Variants in UTS2 observed in about 807,000 individuals in gnomAD.
UTS2 encodes urotensin 2, also known as urotensin-2.
In UTS2, 10 loss-of-function variants were observed where a neutral mutation model predicts 12.6. That is an observed-to-expected ratio of 0.80 (90% CI 0.49 to 1.35). The LOEUF (loss-of-function observed/expected upper bound fraction) is 1.35. Ranked by LOEUF, UTS2 falls within the 40% of genes most tolerant of loss-of-function variation. The pLI, the probability that UTS2 is intolerant of heterozygous loss-of-function variation, is 0.00. For missense variants in UTS2, 142 were observed against 143.2 expected, an observed-to-expected ratio of 0.99 and a Z score of 0.04; for synonymous variants, 52 against 50.0, an observed-to-expected ratio of 1.04 and a Z score of -0.17.
chr1:7,904,320 A>T, the UTS2 span, among the ~76,000 whole-genome samples: 1 of 143,674 alleles, frequency 7.0e-6, no homozygotes, highest in African/African-American at 2.9e-5. Flanking sequence ...AAAAAAAAAA[A>T]AAAATAATAA....
At chr1:7,865,637 G>C in the UTS2 span, among the ~76,000 whole-genome samples, 3 of 152,146 alleles carry the variant, frequency 2.0e-5, no homozygotes, top group Non-Finnish European at 4.4e-5. Flanking sequence ...ACCTCTTACA[G>C]ACCCTATCTC....
chr1:7,874,780 G>A, the UTS2 span, among the ~76,000 whole-genome samples: 17 of 152,320 alleles, frequency 1.1e-4, no homozygotes, highest in Non-Finnish European at 2.5e-4. Flanking sequence ...GGAGGGACCT[G>A]GTGGGAGGTC....
chr1:7,861,981 C>T, the UTS2 span, among the ~76,000 whole-genome samples: 2 of 151,272 alleles, frequency 1.3e-5, no homozygotes, highest in Non-Finnish European at 2.9e-5. Context: ...GGCACAATCT[C>T]GGCTCACTGC....
the UTS2 span, among the ~76,000 whole-genome samples, chr1:7,909,546 CAAAA>C: frequency 3.0e-4 from 31 of 104,208 alleles, 1 homozygote; most frequent in Admixed American, 1.6e-3. Context: ...GACTCTGTCT[CAAAA>C]AAAAAAAAAA....
At chr1:7,886,834 C>A in the UTS2 span, among the ~76,000 whole-genome samples, 1 of 151,820 alleles carries the variant, frequency 6.6e-6, no homozygotes, top group Non-Finnish European at 1.5e-5. Context: ...AGGGGTATCA[C>A]GAGGTTAGCA....
At chr1:7,848,619 A>G (rs960324400) in intron 3 of UTS2, among the ~76,000 whole-genome samples, 69 of 152,134 alleles carry the variant, frequency 4.5e-4, no homozygotes, top group African/African-American at 1.6e-3. Flanking sequence ...CTCCAGGTTC[A>G]AGTGATCCTC....
chr1:7,873,162 T>A, the UTS2 span, among the ~76,000 whole-genome samples: 1 of 152,348 alleles, frequency 6.6e-6, no homozygotes, highest in African/African-American at 2.4e-5. Flanking sequence ...TTCTTCAAAA[T>A]ATTATTGCTC....
At chr1:7,851,448 T>C (rs1303964714) in intron 1 of UTS2, among the ~76,000 whole-genome samples, 1 of 152,174 alleles carries the variant, frequency 6.6e-6, no homozygotes, top group African/African-American at 2.4e-5. Flanking sequence ...GTAAGGAACT[T>C]GATTGTGGCA....
the UTS2 span, among the ~76,000 whole-genome samples, chr1:7,866,291 G>A: frequency 6.6e-6 from 1 of 152,168 alleles, no homozygotes; most frequent in Non-Finnish European, 1.5e-5. This position sits in a 1 kb window ranked among gnomAD's most constrained non-coding sequence, Gnocchi z 4.5. Flanking sequence ...GGTGGGCTGG[G>A]AAGAGCTTCC....
chr1:7,882,399 G>A, the UTS2 span, among the ~76,000 whole-genome samples: 2 of 152,186 alleles, frequency 1.3e-5, no homozygotes, highest in Admixed American at 6.6e-5. Context: ...TAAACTAGAT[G>A]TGTATCTCTC....
At chr1:7,852,837 C>T in intron 1 of UTS2, 64 bp downstream of exon 1, 2 of 1,517,522 alleles carry the variant, frequency 1.3e-6, no homozygotes, top group Non-Finnish European at 1.8e-6. Context: ...TTATCTCTAA[C>T]ATTGAATTTA....
the UTS2 span, among the ~76,000 whole-genome samples, chr1:7,906,890 C>T: frequency 1.3e-5 from 2 of 152,104 alleles, no homozygotes; most frequent in Non-Finnish European, 2.9e-5. Context: ...ATAAACATCC[C>T]ATCATTGCAA....
At chr1:7,880,353 G>T in the UTS2 span, among the ~76,000 whole-genome samples, 1 of 132,490 alleles carries the variant, frequency 7.5e-6, no homozygotes, top group African/African-American at 2.8e-5. Flanking sequence ...CAAAAAAGCC[G>T]AAATGTGACT....
the UTS2 span, among the ~76,000 whole-genome samples, chr1:7,882,324 G>A: frequency 1.3e-5 from 2 of 152,138 alleles, no homozygotes; most frequent in African/African-American, 2.4e-5. Flanking sequence ...AACAGAGTGA[G>A]TTCCTGACTC....
In UTS2 at chr1:7,847,886, A is replaced by C; in HGVS notation, c.259-4T>G. 1 of 1,585,402 alleles carries C rather than the reference A, an allele frequency of 6.3e-7. No individual in the cohort carries two copies. The highest frequency in any genetic ancestry group is 8.6e-7 in the Non-Finnish European group (1 of 1,161,484). ...CTTGTCCAGAGAAATCCTGAAACTA[A>C]AACAATCCAAACGAACAACAACAAC... On this transcript the variant is annotated splice_polypyrimidine_tract_variant and splice_region_variant and intron_variant, in intron 3 of 3. Transcript: ENST00000361696.
chr1:7,896,606 G>A, the UTS2 span, among the ~76,000 whole-genome samples: 1 of 151,900 alleles, frequency 6.6e-6, no homozygotes, highest in East Asian at 1.9e-4. Flanking sequence ...TATAGTCACT[G>A]TAATATCTGA....
At chr1:7,880,600 A>C in the UTS2 span, among the ~76,000 whole-genome samples, 1 of 152,200 alleles carries the variant, frequency 6.6e-6, no homozygotes, top group Non-Finnish European at 1.5e-5. Flanking sequence ...TACAACCATC[A>C]AGATTGAACC....
the UTS2 span, among the ~76,000 whole-genome samples, chr1:7,898,296 C>G: frequency 1.3e-5 from 2 of 151,976 alleles, no homozygotes; most frequent in African/African-American, 2.4e-5. Context: ...CGCAAGCTGT[C>G]CTGAGATCAG....
In UTS2 at chr1:7,847,754, G is replaced by A. The variant is rs201266471; in HGVS notation, c.*12C>T. 2.5e-6 allele frequency: 4 copies of A among 1,577,670 alleles called. No individual in the cohort carries two copies. The highest frequency in any genetic ancestry group is 3.5e-6 in the Non-Finnish European group (4 of 1,150,092). ...GGTGTTTCTGAGCTGACTAACAGAT[G>A]CTTATTTCACTTCAGACACAGTATT... On this transcript the variant is annotated 3_prime_UTR_variant, in exon 4 of 4. Transcript: ENST00000361696.
Sources: allele counts gnomAD v4.1 joint callset (sites outside exome capture counted in the v4.1 genomes callset), GRCh38; gene constraint gnomAD v4.1.1; non-coding constraint Gnocchi (gnomAD v3.1); transcripts MANE v1.5; gene names NCBI Gene and HGNC (gene_info 2026-07-23, HGNC 2026-07-21).